Variants in IQSEC1 observed in about 807,000 individuals in gnomAD.
The protein encoded by IQSEC1 is IQ motif and SEC7 domain-containing protein 1.
Under a neutral mutation model 91.0 loss-of-function variants are expected in IQSEC1, and 31 were observed. The observed-to-expected ratio is 0.34, with a 90% CI of 0.26 to 0.46. The LOEUF (loss-of-function observed/expected upper bound fraction) is 0.46. IQSEC1 is among the 20% of genes least tolerant of loss of function. The pLI, the probability that IQSEC1 is intolerant of heterozygous loss-of-function variation, is 1.00. For missense variants in IQSEC1, 1,388 were observed against 1,575.6 expected, an observed-to-expected ratio of 0.88 and a Z score of 2.02; for synonymous variants, 699 against 662.6, an observed-to-expected ratio of 1.05 and a Z score of -0.84.
chr3:13,279,426 A>G (rs1208399024), intron 1 of IQSEC1, among the ~76,000 whole-genome samples: 3 of 152,166 alleles, frequency 2.0e-5, no homozygotes, highest in African/African-American at 7.2e-5. Context: ...TGAGAAACTC[A>G]TGATGGTATT....
intron 2 of IQSEC1, among the ~76,000 whole-genome samples, chr3:13,138,256 G>C (rs899990325): frequency 6.6e-6 from 1 of 151,984 alleles, no homozygotes; most frequent in Admixed American, 6.6e-5. Context: ...AGCGATCGAC[G>C]AGACAAGGCA....
chr3:13,263,431 G>GC (rs1219792597), intron 1 of IQSEC1, among the ~76,000 whole-genome samples: 2 of 129,538 alleles, frequency 1.5e-5, no homozygotes, highest in East Asian at 2.8e-4. Flanking sequence ...TTTTTTTGGG[G>GC]GGGGGGGGAA....
At chr3:12,923,080 C>T (rs564156123) in intron 4 of IQSEC1, among the ~76,000 whole-genome samples, 1 of 152,274 alleles carries the variant, frequency 6.6e-6, no homozygotes, top group Non-Finnish European at 1.5e-5. Context: ...CCTGGGGCAA[C>T]AGCCTTGGAG....
chr3:13,182,456 G>T (rs1257614112), intron 1 of IQSEC1, among the ~76,000 whole-genome samples: 2 of 152,216 alleles, frequency 1.3e-5, no homozygotes, highest in African/African-American at 2.4e-5. Flanking sequence ...TAAAAGGATT[G>T]CTACATCGAT....
intron 1 of IQSEC1, among the ~76,000 whole-genome samples, chr3:13,063,325 C>T (rs1441490623): frequency 6.6e-6 from 1 of 152,244 alleles, no homozygotes; most frequent in Admixed American, 6.5e-5. Context: ...AAAGTACTTG[C>T]TTCCTTCCCT....
Position 12,982,851 on chromosome 3 carries a change from T to G in IQSEC1, c.24-40986A>C, listed in dbSNP as rs1370090300. Among the ~76,000 whole-genome samples, 3 of 152,260 alleles carry G rather than the reference T, an allele frequency of 2.0e-5. No individual in the cohort carries two copies. In the East Asian group the frequency reaches 5.8e-4, roughly 29 times the overall value. ...GCCCCCATCTGCTGTGTGCCTGCCA[T>G]GCACCAGGCACTGGAGGAAACCGAG... On this transcript the variant is annotated intron_variant, in intron 1 of 13. Transcript: ENST00000613206.
Position 12,900,232 on chromosome 3 carries a change from T to A in IQSEC1, c.*751A>T. On this transcript the variant is annotated 3_prime_UTR_variant, in exon 14 of 14. Coordinates refer to ENST00000613206, the MANE Select transcript of IQSEC1 (RefSeq NM_001134382.3). ...ATGCTATGTTACTTGGCACAGTTAG[T>A]AATGATTGTGTAAAGATTTTAGCCA... 2.0e-6 allele frequency: 2 copies of A among 984,108 alleles called. No individual in the cohort carries two copies. Among genetic ancestry groups the A allele is most frequent in the Non-Finnish European group, 2.4e-6 (2 of 828,732 alleles). 61.0% of individuals were successfully genotyped at this position (984,108 alleles called of 1,614,324 possible). A position where few individuals can be genotyped will look rare whatever the true frequency, so the allele number is the denominator to read the frequency against.
rs571510392 is a variant in IQSEC1, at chr3:13,180,030, C to A, written c.273-15897G>T. On this transcript the variant is annotated intron_variant, in intron 1 of 15. Coordinates refer to the IQSEC1 transcript ENST00000648114. ...CCGTGGGCTCCTGTGAGGCCTGAGC[C>A]TCCCCGACGAGCACCGCACCCTGCT... Among the ~76,000 whole-genome samples the A allele has an allele frequency of 2.0e-5, 3 of 152,326 alleles. No homozygotes were observed. In the East Asian group the frequency reaches 5.8e-4, roughly 29 times the overall value.
chr3:13,021,953 C>T (rs1703418083), intron 1 of IQSEC1: 2 of 995,680 alleles, frequency 2.0e-6, no homozygotes, highest in Admixed American at 8.6e-5. Flanking sequence ...CAGCTCCTTC[C>T]TGGACCCTGT....
At chr3:13,115,756 C>T (rs1706324619) in intron 2 of IQSEC1, among the ~76,000 whole-genome samples, 1 of 152,206 alleles carries the variant, frequency 6.6e-6, no homozygotes, top group African/African-American at 2.4e-5. Flanking sequence ...GCACGCTAGC[C>T]CATTTCACAG....
intron 1 of IQSEC1, among the ~76,000 whole-genome samples, chr3:12,953,011 G>C (rs1699661242): frequency 1.3e-5 from 2 of 152,346 alleles, no homozygotes; most frequent in Admixed American, 6.5e-5. Context: ...CTCCTCTGGG[G>C]CCTCACTGTT....
intron 1 of IQSEC1, among the ~76,000 whole-genome samples, chr3:13,227,654 C>A (rs1043101598): frequency 2.6e-5 from 4 of 152,010 alleles, no homozygotes; most frequent in Non-Finnish European, 5.9e-5. Context: ...GTTCTTAAGG[C>A]TACAACCAGG....
At chr3:12,941,270 G>A (rs1029200548) in intron 2 of IQSEC1, among the ~76,000 whole-genome samples, 5 of 152,188 alleles carry the variant, frequency 3.3e-5, no homozygotes, top group African/African-American at 1.2e-4. Context: ...GGGCCATGCG[G>A]GTCATGGAAC....
At chr3:13,158,356 C>T (rs1216712828) in intron 2 of IQSEC1, among the ~76,000 whole-genome samples, 1 of 152,218 alleles carries the variant, frequency 6.6e-6, no homozygotes, top group Non-Finnish European at 1.5e-5. Context: ...TCCTTGTGAA[C>T]AAAATAAACT....
At chr3:12,985,397 G>A (rs1701678146) in intron 1 of IQSEC1, among the ~76,000 whole-genome samples, 1 of 152,136 alleles carries the variant, frequency 6.6e-6, no homozygotes, top group Non-Finnish European at 1.5e-5. Context: ...CCTTGCTCTA[G>A]ATCCAGATCT....
intron 2 of IQSEC1, among the ~76,000 whole-genome samples, chr3:13,146,000 T>A (rs1706889997): frequency 6.6e-6 from 1 of 152,132 alleles, no homozygotes; most frequent in South Asian, 2.1e-4. Context: ...TTTTTATTTT[T>A]ATTTTTTCAA....
At chr3:13,257,329 C>T (rs898265470) in intron 1 of IQSEC1, among the ~76,000 whole-genome samples, 1 of 152,244 alleles carries the variant, frequency 6.6e-6, no homozygotes, top group African/African-American at 2.4e-5. Flanking sequence ...CTCCAGAAGA[C>T]ATAACATTCC....
chr3:13,278,056 G>A (rs539515183), intron 1 of IQSEC1, among the ~76,000 whole-genome samples: 78 of 152,302 alleles, frequency 5.1e-4, no homozygotes, highest in Non-Finnish European at 7.3e-4. Context: ...ACGTGCCGCC[G>A]TACGGTTAAT....
At chr3:13,222,617 C>T (rs527785880) in intron 1 of IQSEC1, among the ~76,000 whole-genome samples, 1 of 152,370 alleles carries the variant, frequency 6.6e-6, no homozygotes, top group African/African-American at 2.4e-5. Context: ...TCTTATTTCT[C>T]CACATCCTCA....
Sources: gnomAD v4.1 joint callset for allele counts (sites outside exome capture counted in the v4.1 genomes callset) on GRCh38, gnomAD v4.1.1 for gene constraint, MANE v1.5 for transcripts, NCBI Gene and HGNC (gene_info 2026-07-23, HGNC 2026-07-21) for gene names.